Variants in CAMK1D observed in about 807,000 individuals in gnomAD.
CAMK1D encodes calcium/calmodulin-dependent protein kinase type 1D.
A neutral mutation model predicts 47.7 loss-of-function variants in CAMK1D; 9 were observed. That is an observed-to-expected ratio of 0.19 (90% CI 0.11 to 0.33). The LOEUF (loss-of-function observed/expected upper bound fraction) is 0.33, where lower values mean the gene tolerates loss of function less well. Among genes scored for constraint, CAMK1D ranks in the 10% least tolerant of loss-of-function variants. CAMK1D has a pLI of 1.00. For synonymous variants in CAMK1D, 184 were observed against 184.9 expected, an observed-to-expected ratio of 0.99 and a Z score of 0.04; for missense variants, 291 against 488.7, an observed-to-expected ratio of 0.60 and a Z score of 3.81.
intron 2 of CAMK1D, among the ~76,000 whole-genome samples, chr10:12,586,102 C>T (rs1837809484): frequency 6.6e-6 from 1 of 152,188 alleles, no homozygotes; most frequent in African/African-American, 2.4e-5. Flanking sequence ...TAGATCCAAA[C>T]ATTTATGGAA....
chr10:12,392,627 G>A (rs904755265), intron 1 of CAMK1D, among the ~76,000 whole-genome samples: 1 of 152,064 alleles, frequency 6.6e-6, no homozygotes, highest in South Asian at 2.1e-4. Context: ...GTTAATATAT[G>A]TATTACTTAA....
At chr10:12,562,108 T>C (rs1836963163) in intron 2 of CAMK1D, among the ~76,000 whole-genome samples, 1 of 152,196 alleles carries the variant, frequency 6.6e-6, no homozygotes, top group Non-Finnish European at 1.5e-5. Context: ...GTTCTTTAGC[T>C]CACATTCTGC....
intron 1 of CAMK1D, among the ~76,000 whole-genome samples, chr10:12,375,348 A>G (rs1373187195): frequency 6.6e-6 from 1 of 151,890 alleles, no homozygotes; most frequent in Non-Finnish European, 1.5e-5. Flanking sequence ...TTCCCCCACT[A>G]TTTTCTTCCT....
chr10:12,785,188 C>T (rs533154811), intron 5 of CAMK1D, among the ~76,000 whole-genome samples: 3 of 152,274 alleles, frequency 2.0e-5, no homozygotes, highest in East Asian at 3.9e-4. Flanking sequence ...TGTAATATCT[C>T]CAGGTGGGTG....
At chr10:12,362,708 C>T (rs1316839228) in intron 1 of CAMK1D, among the ~76,000 whole-genome samples, 2 of 152,142 alleles carry the variant, frequency 1.3e-5, no homozygotes, top group Non-Finnish European at 2.9e-5. Flanking sequence ...GACCCGGTTT[C>T]ACCGTGTTAG....
intron 2 of CAMK1D, among the ~76,000 whole-genome samples, chr10:12,603,529 T>TCTCACCTGCCTTC (rs1838366523): frequency 6.6e-6 from 1 of 152,196 alleles, no homozygotes; most frequent in East Asian, 1.9e-4. Flanking sequence ...TACCTGGCCT[T>TCTCACCTGCCTTC]CTCACCTGCC....
intron 1 of CAMK1D, among the ~76,000 whole-genome samples, chr10:12,402,641 A>C (rs898245386): frequency 6.6e-6 from 1 of 152,156 alleles, no homozygotes; most frequent in African/African-American, 2.4e-5. Context: ...TAGGGATTCC[A>C]GTTAAATTGC....
chr10:12,352,353 T>C (rs1330783840), intron 1 of CAMK1D, among the ~76,000 whole-genome samples: 2 of 152,198 alleles, frequency 1.3e-5, no homozygotes, highest in Non-Finnish European at 2.9e-5. Context: ...CTCACACCTG[T>C]AATCCCAACA....
At chr10:12,699,325 C>T (rs1449502201) in intron 3 of CAMK1D, among the ~76,000 whole-genome samples, 3 of 152,168 alleles carry the variant, frequency 2.0e-5, no homozygotes, top group African/African-American at 4.8e-5. Context: ...TCGACCTCTT[C>T]TACTTCTTGG....
chr10:12,761,605 C>G (rs992077530), intron 4 of CAMK1D, among the ~76,000 whole-genome samples: 1 of 152,122 alleles, frequency 6.6e-6, no homozygotes, highest in Non-Finnish European at 1.5e-5. Flanking sequence ...AGAGCTATGA[C>G]TGGCTGGGCG....
chr10:12,487,081 T>C (rs1180039272), intron 1 of CAMK1D, among the ~76,000 whole-genome samples: 1 of 152,324 alleles, frequency 6.6e-6, no homozygotes, highest in East Asian at 1.9e-4. Flanking sequence ...TAAACTCATG[T>C]CATGGGGGTT....
intron 8 of CAMK1D, among the ~76,000 whole-genome samples, chr10:12,819,373 G>A (rs746719368): frequency 1.2e-4 from 18 of 152,216 alleles, no homozygotes; most frequent in Non-Finnish European, 2.2e-4. Context: ...AGGAGAGGAC[G>A]CAGGAGACAG....
At chr10:12,510,620 G>A (rs989703531) in intron 1 of CAMK1D, among the ~76,000 whole-genome samples, 5 of 152,196 alleles carry the variant, frequency 3.3e-5, no homozygotes, top group Admixed American at 2.0e-4. Context: ...GGGAACTTGT[G>A]GTCTTGCTGC....
At chr10:12,545,515 G>C (rs1399678685) in intron 1 of CAMK1D, among the ~76,000 whole-genome samples, 1 of 147,310 alleles carries the variant, frequency 6.8e-6, no homozygotes, top group African/African-American at 2.5e-5. Context: ...AAAATACATG[G>C]AATTAGCCGG....
Position 12,830,258 on chromosome 10 carries a change from C to T in CAMK1D, c.*1371C>T, listed in dbSNP as rs1833394823. On this transcript the variant is annotated 3_prime_UTR_variant, in exon 11 of 11. Coordinates refer to ENST00000619168, the MANE Select transcript of CAMK1D (RefSeq NM_153498.4). ...GGCCTCCAACACAAAGTTCTTTCTC[C>T]ACATTTTTACCCTCTTCTCACATGA... 1 of 152,186 alleles carries T rather than the reference C, an allele frequency of 6.6e-6. No homozygotes were observed. Among genetic ancestry groups the T allele is most frequent in the African/African-American group, 2.4e-5 (1 of 41,446 alleles). 9.4% of individuals were successfully genotyped at this position (152,186 alleles called of 1,614,324 possible).
At chr10:12,646,967 G>C (rs1839827112) in intron 2 of CAMK1D, among the ~76,000 whole-genome samples, 2 of 150,074 alleles carry the variant, frequency 1.3e-5, no homozygotes, top group African/African-American at 5.0e-5. Context: ...TTAGCATCCT[G>C]AGTAGCTGGG....
chr10:12,638,046 A>G (rs930124711), intron 2 of CAMK1D, among the ~76,000 whole-genome samples: 1 of 151,916 alleles, frequency 6.6e-6, no homozygotes, highest in African/African-American at 2.4e-5. Flanking sequence ...GGACGGGGGG[A>G]TTCCGATATC....
chr10:12,725,374 T>G (rs1834576171), intron 3 of CAMK1D: 1 of 155,910 alleles, frequency 6.4e-6, no homozygotes, highest in Admixed American at 6.5e-5. Flanking sequence ...GTGAAAGTAT[T>G]TGTAGCTTCT....
At chr10:12,789,737 C>A (rs542841223) in intron 5 of CAMK1D, among the ~76,000 whole-genome samples, 2 of 152,346 alleles carry the variant, frequency 1.3e-5, no homozygotes, top group East Asian at 3.9e-4. Context: ...CCAGCACTTC[C>A]TGTCAAGGAT....
Sources: allele counts gnomAD v4.1 joint callset (sites outside exome capture counted in the v4.1 genomes callset), GRCh38; gene constraint gnomAD v4.1.1; transcripts MANE v1.5; gene names NCBI Gene and HGNC (gene_info 2026-07-23, HGNC 2026-07-21).